The following BTBD1 variants were observed in gnomAD, a reference collection of about 807,000 sequenced individuals.
The protein encoded by BTBD1 is BTB/POZ domain-containing protein 1.
BTBD1 carries 34 observed loss-of-function variants against 48.0 expected under a neutral mutation model. The observed-to-expected ratio is 0.71, with a 90% CI of 0.54 to 0.94. The LOEUF (loss-of-function observed/expected upper bound fraction) is 0.94, where lower values mean the gene tolerates loss of function less well. Among genes scored for constraint, BTBD1 ranks in the 40% least tolerant of loss-of-function variants. The probability of loss-of-function intolerance (pLI) is 0.00; values close to 1 mark genes in which losing one functional copy is unlikely to be tolerated. For missense variants in BTBD1, 543 were observed against 625.6 expected (o/e 0.87, Z 1.41); for synonymous variants, 261 against 242.1 (o/e 1.08, Z -0.72).
chr15:83,043,365 A>T (rs1244252759), intron 3 of BTBD1, among the ~76,000 whole-genome samples: 1 of 152,100 alleles, frequency 6.6e-6, no homozygotes, highest in Non-Finnish European at 1.5e-5. Context: ...GTAGCAGGCA[A>T]GGAGGCCAGA....
At chr15:83,057,944 G>A (rs975363006) in intron 1 of BTBD1, among the ~76,000 whole-genome samples, 1 of 152,230 alleles carries the variant, frequency 6.6e-6, no homozygotes, top group Non-Finnish European at 1.5e-5. Flanking sequence ...CAGCCCTAGG[G>A]CAGGGACCCC....
At chr15:83,060,749 C>T (rs1181658005) in intron 1 of BTBD1, among the ~76,000 whole-genome samples, 2 of 151,968 alleles carry the variant, frequency 1.3e-5, no homozygotes, top group East Asian at 1.9e-4. Context: ...GCCAAGATCG[C>T]GCCACTGTAC....
chr15:83,041,455 A>C (rs1393856279), intron 4 of BTBD1, among the ~76,000 whole-genome samples: 1 of 151,094 alleles, frequency 6.6e-6, no homozygotes, highest in African/African-American at 2.4e-5. Context: ...GGCTCACTGC[A>C]ACCTCCGTCT....
chr15:83,065,202 T>G (rs142813252), intron 1 of BTBD1, among the ~76,000 whole-genome samples: 7 of 152,376 alleles, frequency 4.6e-5, no homozygotes, highest in African/African-American at 1.7e-4. Flanking sequence ...CTTGAATGCT[T>G]CTTACGTGTG....
chr15:83,058,213 G>A (rs972312855), intron 1 of BTBD1, among the ~76,000 whole-genome samples: 4 of 152,192 alleles, frequency 2.6e-5, no homozygotes, highest in African/African-American at 7.2e-5. Context: ...CTCCAGCTCC[G>A]CTGCGGCTTT....
intron 2 of BTBD1, among the ~76,000 whole-genome samples, chr15:83,053,153 G>A (rs1321533990): frequency 6.6e-6 from 1 of 152,038 alleles, no homozygotes; most frequent in Non-Finnish European, 1.5e-5. Context: ...CTTTGACTTT[G>A]GCATTCTCTT....
chr15:83,036,256 C>A (rs1329930078), intron 4 of BTBD1, among the ~76,000 whole-genome samples: 1 of 150,268 alleles, frequency 6.7e-6, no homozygotes, highest in Non-Finnish European at 1.5e-5. Context: ...GCAAGTGAAC[C>A]AAAACAGTTC....
chr15:83,057,401 A>T (rs561360090), intron 1 of BTBD1, among the ~76,000 whole-genome samples: 5 of 152,242 alleles, frequency 3.3e-5, no homozygotes, highest in Non-Finnish European at 7.3e-5. Flanking sequence ...GAGGATTAAC[A>T]TAAATTAAAA....
At chr15:83,023,993 C>T (rs533810265) in intron 5 of BTBD1, 1 of 152,186 alleles carries the variant, frequency 6.6e-6, no homozygotes, top group Non-Finnish European at 1.5e-5. Context: ...TCAGCCCCCA[C>T]AAGTAGCTGG....
At chr15:83,058,363 T>A (rs868815318) in intron 1 of BTBD1, among the ~76,000 whole-genome samples, 24 of 152,372 alleles carry the variant, frequency 1.6e-4, no homozygotes, top group Middle Eastern at 3.4e-3. Flanking sequence ...TACTATTTTT[T>A]AAAAATTTCT....
chr15:83,052,583 A>G (rs993205441), intron 2 of BTBD1, among the ~76,000 whole-genome samples: 1 of 151,656 alleles, frequency 6.6e-6, no homozygotes, highest in African/African-American at 2.4e-5. Flanking sequence ...TACATTTTCA[A>G]GTTATGAAGT....
At chr15:83,055,711 CT>C (rs780963709) in intron 2 of BTBD1, among the ~76,000 whole-genome samples, 1 of 152,190 alleles carries the variant, frequency 6.6e-6, no homozygotes, top group East Asian at 1.9e-4. Flanking sequence ...AATTTTAGAA[CT>C]TTTCAGAACT....
intron 1 of BTBD1, among the ~76,000 whole-genome samples, chr15:83,066,319 G>A (rs907370319): frequency 6.6e-6 from 1 of 151,906 alleles, no homozygotes; most frequent in Non-Finnish European, 1.5e-5. Flanking sequence ...GGGGGGAAGG[G>A]GGTGACAATA....
At chr15:83,056,637 T>C (rs2033088389) in intron 1 of BTBD1, 92 bp from the exon 2 acceptor site, 1 of 1,119,024 alleles carries the variant, frequency 8.9e-7, no homozygotes, top group African/African-American at 1.6e-5. Flanking sequence ...TATTTACTTA[T>C]ATTTTTATTT....
At position 83,067,071 on chromosome 15, in the gene BTBD1, C is replaced by A. The variant is rs769678121; in HGVS notation, c.81G>T (p.Pro27=). Residue 27 remains proline (P), a synonymous_variant, in exon 1 of 8, where the codon CCG becomes CCT. Transcript: ENST00000261721. Reference sequence around the variant, plus strand: ...GCCCCAGAGAGGACGGTGAGGGCGGCGGCGGCGGCCCCGCGGGGCCCGGCT... The same window carrying A: ...GCCCCAGAGAGGACGGTGAGGGCGGAGGCGGCGGCCCCGCGGGGCCCGGCT... ...EAEPGPAGPP[P]PPSPSSLGPL... 6.4e-7 allele frequency: 1 copy of A among 1,553,682 alleles called. No individual in the cohort carries two copies. Among genetic ancestry groups the A allele is most frequent in the Admixed American group, 2.0e-5 (1 of 50,340 alleles).
At chr15:83,066,713 G>T (rs2033281061) in intron 1 of BTBD1, 38 bp downstream of exon 1, 3 of 1,245,712 alleles carry the variant, frequency 2.4e-6, no homozygotes, top group Non-Finnish European at 2.0e-6. Context: ...GCCCGGCCCG[G>T]CCCGGCCCGG....
chr15:83,046,265 A>T (rs1781366531), intron 3 of BTBD1, among the ~76,000 whole-genome samples: 1 of 152,164 alleles, frequency 6.6e-6, no homozygotes, highest in South Asian at 2.1e-4. Context: ...AATAACTGAT[A>T]AAAAATGTTT....
At position 83,041,722 on chromosome 15, in the gene BTBD1, C is replaced by T. The variant is rs768414023; in HGVS notation, c.862+6G>A. On this transcript the variant is annotated splice_donor_region_variant and intron_variant, in intron 4 of 7. Coordinates refer to ENST00000261721, the MANE Select transcript of BTBD1 (RefSeq NM_025238.4). ...CAAATAGATTTTGGTGAATTTATAC[C>T]CTTACCTGCTGCAAATTCCTCAATT... 8 of 1,613,496 alleles carry T rather than the reference C, an allele frequency of 5.0e-6. No individual in the cohort carries two copies. The South Asian group carries it at 8.8e-5, about 18-fold the overall frequency.
intron 4 of BTBD1, among the ~76,000 whole-genome samples, chr15:83,040,357 A>G (rs141361078): frequency 5.3e-5 from 8 of 152,260 alleles, no homozygotes; most frequent in African/African-American, 1.9e-4. Context: ...TACACATGAA[A>G]CAAATCTGCA....
Sources: gnomAD v4.1 joint callset for allele counts (sites outside exome capture counted in the v4.1 genomes callset) on GRCh38, gnomAD v4.1.1 for gene constraint, MANE v1.5 for transcripts, NCBI Gene and HGNC (gene_info 2026-07-23, HGNC 2026-07-21) for gene names.